Variants in OXGR1 observed in about 807,000 individuals in gnomAD.
OXGR1 encodes 2-oxoglutarate receptor 1.
Under a neutral mutation model 10.0 loss-of-function variants are expected in OXGR1, and 10 were observed. That is an observed-to-expected ratio of 1.00 (90% CI 0.62 to 1.70). The LOEUF is 1.70. OXGR1 is among the 40% of genes most tolerant of loss of function. OXGR1 has a pLI of 0.00. For missense variants in OXGR1, 398 were observed against 407.6 expected, an observed-to-expected ratio of 0.98 and a Z score of 0.20; for synonymous variants, 191 against 155.9, an observed-to-expected ratio of 1.22 and a Z score of -1.68.
chr13:96,993,625 C>T (rs530196494), intron 1 of OXGR1, among the ~76,000 whole-genome samples: 175 of 152,210 alleles, frequency 1.1e-3, no homozygotes, highest in African/African-American at 4.0e-3. Context: ...ATTTATTCTT[C>T]GGGAGAAACA....
chr13:96,992,915 T>A (rs1882129269), intron 1 of OXGR1, among the ~76,000 whole-genome samples: 1 of 152,176 alleles, frequency 6.6e-6, no homozygotes, highest in African/African-American at 2.4e-5. Flanking sequence ...ACACTTAATC[T>A]GTTACCTTCT....
rs745885120 is a variant in OXGR1 at position 96,987,376 on chromosome 13, G to T, written c.384C>A (p.Ser128Arg). The stretch of plus-strand genomic sequence containing the variant: ...GAATGATCACACAGTAGCGGAAGAT[G>T]CTGAAACAGGTGAGGAAGAGGATGC... ...YSSILFLTCF[S>R]IFRYCVIIHP... The change falls in exon 4 of 4, where the codon AGC becomes AGA. Residue 128 changes from serine to arginine, a missense_variant. Physicochemically the swap from Ser to Arg is moderately radical, Grantham distance 110 (BLOSUM62 -1). Coordinates refer to ENST00000541038, the MANE Select transcript of OXGR1 (RefSeq NM_001346194.2). 3.1e-6 allele frequency: 5 copies of T among 1,614,076 alleles called. 1 individual carries two copies. In the African/African-American group the frequency reaches 6.7e-5, roughly 22 times the overall value.
intron 3 of OXGR1, among the ~76,000 whole-genome samples, chr13:96,989,026 C>A (rs948653502): frequency 6.6e-6 from 1 of 151,900 alleles, no homozygotes; most frequent in Non-Finnish European, 1.5e-5. Flanking sequence ...ATTATTTTAA[C>A]AAAATATAAA....
chr13:96,988,812 A>G (rs1196554935), intron 3 of OXGR1, among the ~76,000 whole-genome samples: 3 of 152,160 alleles, frequency 2.0e-5, no homozygotes, highest in Non-Finnish European at 4.4e-5. Context: ...AATTTTTGCA[A>G]TGAGAAAAGT....
In OXGR1 at chr13:96,986,517, T is replaced by C. The variant is rs1765464437; in HGVS notation, c.*229A>G. ...TGAGTTCCAATAGCTTGTAATACTA[T>C]GTCTGAATACTTTGCTGATATACAT... On this transcript the variant is annotated 3_prime_UTR_variant, in exon 4 of 4. Transcript: ENST00000541038. 2.0e-6 allele frequency: 1 copy of C among 504,380 alleles called. No homozygotes were observed. The highest frequency in any genetic ancestry group is 1.9e-5 in the African/African-American group (1 of 51,612). The allele number at this position is 504,380 out of a possible 1,614,324, so 31.2% of individuals were successfully genotyped here. A position where few individuals can be genotyped will look rare whatever the true frequency, so the allele number is the denominator to read the frequency against.
chr13:96,988,971 T>A (rs907686827), intron 3 of OXGR1, among the ~76,000 whole-genome samples: 1 of 152,154 alleles, frequency 6.6e-6, no homozygotes, highest in Non-Finnish European at 1.5e-5. Flanking sequence ...CACACACAGA[T>A]GTATATGCCA....
chr13:96,987,958 G>A (rs1881865945), intron 3 of OXGR1, 125 bp from the exon 4 acceptor site: 2 of 526,692 alleles, frequency 3.8e-6, no homozygotes, highest in Non-Finnish European at 3.0e-6. Flanking sequence ...AAGAGACCCT[G>A]TGGAGAAGAA....
rs2138884785 is a variant in OXGR1, at chr13:96,986,001, C to A, written c.*745G>T. 6.6e-6 allele frequency: 1 copy of A among 152,248 alleles called. No homozygotes were observed. Among genetic ancestry groups the A allele is most frequent in the Non-Finnish European group, 1.5e-5 (1 of 68,012 alleles). 9.4% of individuals were successfully genotyped at this position (152,248 alleles called of 1,614,324 possible). A position where few individuals can be genotyped will look rare whatever the true frequency, so the allele number is the denominator to read the frequency against. On this transcript the variant is annotated 3_prime_UTR_variant, in exon 4 of 4. Transcript: ENST00000541038. Reference sequence around the variant, plus strand: ...ATGACATCTGAAAGTGACTTCTGTCCTAGAAAGTTTCCCTTCCTTCCCCAG... The same window carrying A: ...ATGACATCTGAAAGTGACTTCTGTCATAGAAAGTTTCCCTTCCTTCCCCAG...
chr13:96,989,678 G>A (rs1242128471), intron 3 of OXGR1, 80 bp downstream of exon 3: 1 of 152,226 alleles, frequency 6.6e-6, no homozygotes, highest in Non-Finnish European at 1.5e-5. Flanking sequence ...CTTGTTGCAG[G>A]GCTGGGCTGC....
chr13:96,988,168 A>G (rs912741687), intron 3 of OXGR1, among the ~76,000 whole-genome samples: 1 of 152,356 alleles, frequency 6.6e-6, no homozygotes, highest in Non-Finnish European at 1.5e-5. Flanking sequence ...AGGACCTACT[A>G]TTAACCAAGT....
chr13:96,990,946 C>CAAAAAAAAAAAAAAAAAAA (rs765856782), intron 2 of OXGR1, among the ~76,000 whole-genome samples: 4 of 97,208 alleles, frequency 4.1e-5, no homozygotes, highest in African/African-American at 1.9e-4. Flanking sequence ...AAGACTCTTT[C>CAAAAAAAAAAAAAAAAAAA]AAAAAAAAAA....
Position 96,986,133 on chromosome 13 carries a change from T to A in OXGR1, c.*613A>T, listed in dbSNP as rs1256531899. On this transcript the variant is annotated 3_prime_UTR_variant, in exon 4 of 4. Coordinates refer to ENST00000541038, the MANE Select transcript of OXGR1 (RefSeq NM_001346194.2). ...CTCCAAATATATTGCAGGTACTAAT[T>A]TCAACTATTTGCATGGACGTCCTTG... 6.6e-6 allele frequency: 1 copy of A among 152,262 alleles called. No homozygotes were observed. The highest frequency in any genetic ancestry group is 1.5e-5 in the Non-Finnish European group (1 of 68,068). The allele number at this position is 152,262 out of a possible 1,614,324, so 9.4% of individuals were successfully genotyped here. A position where few individuals can be genotyped will look rare whatever the true frequency, so the allele number is the denominator to read the frequency against.
At chr13:96,990,370 C>T (rs1055903100) in intron 2 of OXGR1, among the ~76,000 whole-genome samples, 48 of 152,114 alleles carry the variant, frequency 3.2e-4, no homozygotes, top group African/African-American at 1.1e-3. Flanking sequence ...GTTTTAGTAA[C>T]GCCCAAAATA....
intron 2 of OXGR1, 70 bp downstream of exon 2, chr13:96,992,352 C>T (rs549401240): frequency 6.6e-6 from 1 of 152,178 alleles, no homozygotes; most frequent in Non-Finnish European, 1.5e-5. Context: ...TCATGTACCC[C>T]ATAATTATAT....
chr13:96,989,224 A>G (rs1029974590), intron 3 of OXGR1, among the ~76,000 whole-genome samples: 14 of 152,184 alleles, frequency 9.2e-5, no homozygotes, highest in Non-Finnish European at 1.6e-4. Flanking sequence ...TGCCACCATT[A>G]TTACTATTAT....
chr13:96,992,584 G>T lies in OXGR1; in HGVS notation c.-277-12C>A, dbSNP rs1418035971. The stretch of plus-strand genomic sequence containing the variant: ...GGGATTCCAAGATTCTGTGGGTAAA[G>T]AAGGCAGGATCAGAAATGCTATCCA... On this transcript the variant is annotated splice_polypyrimidine_tract_variant and intron_variant, in intron 1 of 3. Transcript: ENST00000541038. 2.0e-5 allele frequency: 3 copies of T among 152,206 alleles called. No individual in the cohort carries two copies. 9.4% of individuals were successfully genotyped at this position (152,206 alleles called of 1,614,324 possible). A position where few individuals can be genotyped will look rare whatever the true frequency, so the allele number is the denominator to read the frequency against.
intron 2 of OXGR1, among the ~76,000 whole-genome samples, chr13:96,991,022 G>T (rs1262608280): frequency 6.7e-6 from 1 of 149,708 alleles, no homozygotes; most frequent in Non-Finnish European, 1.5e-5. Flanking sequence ...TCCTGTCATT[G>T]CCAAATAAAC....
In OXGR1 at chr13:96,987,393, A is replaced by C. The variant is rs749221787; in HGVS notation, c.367T>G (p.Phe123Val). The change falls in exon 4 of 4, where the codon TTC becomes GTC. Residue 123 changes from phenylalanine to valine, a missense_variant. Coordinates refer to ENST00000541038, the MANE Select transcript of OXGR1 (RefSeq NM_001346194.2). Reference sequence around the variant, plus strand: ...CGGAAGATGCTGAAACAGGTGAGGAAGAGGATGCTGCTATACAGGTTGAAA... The same window carrying C: ...CGGAAGATGCTGAAACAGGTGAGGACGAGGATGCTGCTATACAGGTTGAAA... Reference protein sequence around the residue: ...FHFNLYSSILFLTCFSIFRYC... With the variant: ...FHFNLYSSILVLTCFSIFRYC... 6.2e-7 allele frequency: 1 copy of C among 1,614,046 alleles called. No homozygotes were observed. Among genetic ancestry groups the C allele is most frequent in the African/African-American group, 1.3e-5 (1 of 74,922 alleles).
chr13:96,989,677 G>C (rs1201457831), intron 3 of OXGR1, 81 bp downstream of exon 3: 1 of 152,266 alleles, frequency 6.6e-6, no homozygotes, highest in Non-Finnish European at 1.5e-5. Context: ...TCTTGTTGCA[G>C]GGCTGGGCTG....
Sources: gnomAD v4.1 joint callset for allele counts (sites outside exome capture counted in the v4.1 genomes callset) on GRCh38, gnomAD v4.1.1 for gene constraint, MANE v1.5 for transcripts, NCBI Gene and HGNC (gene_info 2026-07-23, HGNC 2026-07-21) for gene names.